PRPF6: variants seen among roughly 807,000 people sequenced by gnomAD.
The protein encoded by PRPF6 is pre-mRNA-processing factor 6.
Under a neutral mutation model 118.3 loss-of-function variants are expected in PRPF6, and 42 were observed. That is an observed-to-expected ratio of 0.35 (90% confidence interval 0.28 to 0.46). PRPF6 has a LOEUF of 0.46. PRPF6 is among the 20% of genes least tolerant of loss of function. The pLI, the probability that PRPF6 is intolerant of heterozygous loss-of-function variation, is 1.00. For missense variants in PRPF6, 662 were observed against 1,255.7 expected, an observed-to-expected ratio of 0.53 and a Z score of 7.15; for synonymous variants, 481 against 485.1, an observed-to-expected ratio of 0.99 and a Z score of 0.11.
chr20:64,008,082 G>A (rs543027413), intron 9 of PRPF6, among the ~76,000 whole-genome samples: 8 of 152,228 alleles, frequency 5.3e-5, no homozygotes, highest in African/African-American at 1.2e-4. Context: ...TACCTGGCCC[G>A]GCCTAATTTC....
intron 12 of PRPF6, among the ~76,000 whole-genome samples, chr20:64,018,207 G>A (rs1436389992): frequency 6.6e-6 from 1 of 152,110 alleles, no homozygotes; most frequent in East Asian, 1.9e-4. Flanking sequence ...AAAAGAAAAA[G>A]TCTCACCCGT....
At chr20:64,024,762 C>A in intron 14 of PRPF6, 69 bp downstream of exon 14, 2 of 1,565,862 alleles carry the variant, frequency 1.3e-6, no homozygotes, top group Non-Finnish European at 1.7e-6. Context: ...CTGACTGGGG[C>A]CTGAAAATCT....
chr20:64,029,435 C>T lies in PRPF6; in HGVS notation c.2490C>T (p.Ser830=), dbSNP rs773455692. ...CAAGGCCCCAGAGGAGGACCAAGAG[C>T]GTGGATGCCCTGAAGAAGTGTGAGC... ...LEARPQRRTK[S]VDALKKCEHD... is the part of the protein sequence containing the mutation. Residue 830 remains serine, a synonymous_variant, in exon 19 of 21, where the codon AGC becomes AGT. Coordinates refer to ENST00000266079, the MANE Select transcript of PRPF6 (RefSeq NM_012469.4). The surrounding 1 kb of genome is among the most constrained non-coding windows in gnomAD (Gnocchi z 4.8). 1.5e-5 allele frequency: 25 copies of T among 1,614,094 alleles called. No individual in the cohort carries two copies. Among genetic ancestry groups the T allele is most frequent in the Middle Eastern group, 1.6e-4 (1 of 6,084 alleles).
At chr20:64,017,982 C>T (rs146935737) in intron 12 of PRPF6, among the ~76,000 whole-genome samples, 7 of 152,276 alleles carry the variant, frequency 4.6e-5, no homozygotes, top group African/African-American at 1.7e-4. Flanking sequence ...ATGGGCAGAT[C>T]GCTTGAGCTC....
intron 9 of PRPF6, among the ~76,000 whole-genome samples, chr20:64,002,874 C>T (rs1388289228): frequency 1.3e-5 from 2 of 151,390 alleles, no homozygotes; most frequent in East Asian, 3.9e-4. Flanking sequence ...GAACTTCTCA[C>T]CTCAAGTGAT....
At position 64,027,448 on chromosome 20, in the gene PRPF6, G is replaced by C. The variant is rs2059295923; in HGVS notation, c.2206-155G>C. 6.6e-6 allele frequency among the ~76,000 whole-genome samples: 1 copy of C among 152,182 alleles called. No individual in the cohort carries two copies. The highest frequency in any genetic ancestry group is 1.5e-5 in the Non-Finnish European group (1 of 68,032). On this transcript the variant is annotated intron_variant, in intron 16 of 20. Transcript: ENST00000266079. The surrounding 1 kb of genome is among the most constrained non-coding windows in gnomAD (Gnocchi z 6.5). ...AGGTCCACAGCACCACCGCACACCTGTACACCCACAAATGCAGAGTGTGAG... is the reference window on the plus strand; with the variant it reads ...AGGTCCACAGCACCACCGCACACCTCTACACCCACAAATGCAGAGTGTGAG...
At position 64,010,329 on chromosome 20, in the gene PRPF6, C is replaced by T. The variant is rs190123178; in HGVS notation, c.1305+11C>T. On this transcript the variant is annotated intron_variant, in intron 10 of 20. Transcript: ENST00000266079. ...CCCACCAGCGTGGAGGTGAGTCTGG[C>T]GGGCTCAGGGCCACCAGAGCCCAAA... The T allele has an allele frequency of 1.0e-4, 161 of 1,608,158 alleles. No homozygotes were observed. The highest frequency in any genetic ancestry group is 1.2e-4 in the Non-Finnish European group (144 of 1,176,868).
rs145935687 is a variant in PRPF6 at position 64,010,315 on chromosome 20, G to C, written c.1302G>C (p.Val434=). The part of the protein sequence containing the change: ...SRAVECCPTS[V]ELWLALARLE... ...CTGTGGAGTGCTGCCCCACCAGCGT[G>C]GAGGTGAGTCTGGCGGGCTCAGGGC... The change falls in exon 10 of 21, where the codon GTG becomes GTC. Residue 434 remains valine (V), a synonymous_variant. Coordinates refer to ENST00000266079, the MANE Select transcript of PRPF6 (RefSeq NM_012469.4). 10 of 1,612,918 alleles carry C rather than the reference G, an allele frequency of 6.2e-6. No homozygotes were observed. The African/African-American group carries it at 1.2e-4, about 19-fold the overall frequency.
intron 1 of PRPF6, among the ~76,000 whole-genome samples, chr20:63,981,536 T>C (rs530084566): frequency 6.6e-6 from 1 of 152,184 alleles, no homozygotes; most frequent in South Asian, 2.1e-4. Flanking sequence ...CAGCCCAGTG[T>C]TTTGGTCTGT....
At position 64,011,322 on chromosome 20, in the gene PRPF6, A is replaced by G; in HGVS notation, c.1343A>G (p.Asn448Ser). 1 of 1,614,202 alleles carries G rather than the reference A, an allele frequency of 6.2e-7. No individual in the cohort carries two copies. The highest frequency in any genetic ancestry group is 8.5e-7 in the Non-Finnish European group (1 of 1,180,046). Residue 448 changes from asparagine (N) to serine (S), a missense_variant, in exon 11 of 21, where the codon AAT becomes AGT. By Grantham distance (46) the Asn-to-Ser change is conservative. Around this residue, in one of 10 missense-constraint regions of PRPF6, gnomAD observed 189 missense variants for 323.5 expected, o/e 0.58. Coordinates refer to ENST00000266079, the MANE Select transcript of PRPF6 (RefSeq NM_012469.4). This position sits in a 1 kb window ranked among gnomAD's most constrained non-coding sequence, Gnocchi z 6.7. ...CTGGCAAGGCTGGAGACCTATGAAAATGCCCGCAAGGTCTTGAACAAGGCG... is the reference window on the plus strand; with the variant it reads ...CTGGCAAGGCTGGAGACCTATGAAAGTGCCCGCAAGGTCTTGAACAAGGCG... ...LALARLETYE[N>S]ARKVLNKARE...
chr20:63,987,473 G>A lies in PRPF6; in HGVS notation c.359+2448G>A, dbSNP rs6011244. On this transcript the variant is annotated intron_variant, in intron 3 of 20. Transcript: ENST00000266079. ...CTGGGCAACACAATGAGACTGTGTC[G>A]CAAAGAAAAAAAAAAGCCACATATG... Among the ~76,000 whole-genome samples the A allele has an allele frequency of 5.9e-3, 893 of 151,068 alleles. 13 individuals carry two copies. The highest frequency in any genetic ancestry group is 0.021 in the African/African-American group (845 of 41,192).
chr20:63,984,848 G>T (rs899861421), intron 2 of PRPF6, 59 bp from the exon 3 acceptor site: 5 of 1,216,350 alleles, frequency 4.1e-6, no homozygotes, highest in Non-Finnish European at 6.1e-6. Context: ...TCTCCGTTTC[G>T]CTGGTGGGGA....
chr20:63,989,238 AT>A (rs963803823), intron 3 of PRPF6, among the ~76,000 whole-genome samples: 2 of 152,196 alleles, frequency 1.3e-5, no homozygotes, highest in Non-Finnish European at 2.9e-5. Context: ...CAAAAATCAA[AT>A]TAAAAGACTT....
intron 1 of PRPF6, among the ~76,000 whole-genome samples, chr20:63,981,622 T>A (rs1249156685): frequency 6.6e-6 from 1 of 151,684 alleles, no homozygotes; most frequent in Non-Finnish European, 1.5e-5. Context: ...CGCGACCACC[T>A]TCCTCAGGTC....
At position 63,981,140 on chromosome 20, in the gene PRPF6, C is replaced by G. The variant is rs1324855331; in HGVS notation, c.-106C>G. 5 of 1,230,570 alleles carry G rather than the reference C, an allele frequency of 4.1e-6. No homozygotes were observed. Among genetic ancestry groups the G allele is most frequent in the Middle Eastern group, 1.9e-4 (1 of 5,404 alleles). The allele number at this position is 1,230,570 out of a possible 1,614,324, so 76.2% of individuals were successfully genotyped here. On this transcript the variant is annotated 5_prime_UTR_variant, in exon 1 of 21. Transcript: ENST00000266079. The stretch of plus-strand genomic sequence containing the variant: ...GGCGCGGGTGACGCGACGACGGCGA[C>G]ACTTTGCTACGGAGTGCATCGGACG...
In PRPF6 at chr20:64,033,023, G is replaced by A. The variant is rs577769690; in HGVS notation, c.*30G>A. ...GCGGTTGCCATGGCCGGTCTCCGTG[G>A]GGCAGGGTTGGGCCGCATGTGGAAG... On this transcript the variant is annotated 3_prime_UTR_variant, in exon 21 of 21. Transcript: ENST00000266079. 1 of 1,612,352 alleles carries A rather than the reference G, an allele frequency of 6.2e-7. No homozygotes were observed. The highest frequency in any genetic ancestry group is 2.2e-5 in the East Asian group (1 of 44,874).
In PRPF6 at chr20:63,992,396, G is replaced by A. The variant is rs138640523; in HGVS notation, c.360-1011G>A. 3.0e-3 allele frequency among the ~76,000 whole-genome samples: 452 copies of A among 152,050 alleles called. 7 individuals are homozygous for A. The highest frequency in any genetic ancestry group is 8.8e-3 in the African/African-American group (366 of 41,488). On this transcript the variant is annotated intron_variant, in intron 3 of 20. Transcript: ENST00000266079. ...CCTACCTCAGCCTCCTGAGTAGCTGGGATAACAGGCATGCGCCACCACGCC... is the reference window on the plus strand; with the variant it reads ...CCTACCTCAGCCTCCTGAGTAGCTGAGATAACAGGCATGCGCCACCACGCC...
intron 4 of PRPF6, among the ~76,000 whole-genome samples, chr20:63,994,136 A>G (rs2059131180): frequency 6.6e-6 from 1 of 151,242 alleles, no homozygotes. Context: ...AGATCCAATA[A>G]ATTGATTTTT....
At position 63,999,116 on chromosome 20, in the gene PRPF6, C is replaced by T. The variant is rs748710012; in HGVS notation, c.843C>T (p.Ile281=). ...ACCTGACGGATTTAAATTCCATGAT[C>T]CCGACACACGGAGGAGACATCAAGT... ...KGYLTDLNSM[I]PTHGGDINDI... The change falls in exon 7 of 21, where the codon ATC becomes ATT. Residue 281 remains isoleucine (I), a synonymous_variant. Transcript: ENST00000266079. 5 of 1,613,922 alleles carry T rather than the reference C, an allele frequency of 3.1e-6. No homozygotes were observed. Among genetic ancestry groups the T allele is most frequent in the African/African-American group, 2.7e-5 (2 of 75,046 alleles).
Sources: gnomAD v4.1 joint callset for allele counts (sites outside exome capture counted in the v4.1 genomes callset) on GRCh38, gnomAD v4.1.1 for gene constraint, gnomAD v4.1.1 regional missense constraint, Gnocchi (gnomAD v3.1) non-coding constraint, MANE v1.5 for transcripts, NCBI Gene and HGNC (gene_info 2026-07-23, HGNC 2026-07-21) for gene names.